The following GABRG3 variants were observed in gnomAD, a reference collection of about 807,000 sequenced individuals.
GABRG3 encodes gamma-aminobutyric acid receptor subunit gamma-3.
A neutral mutation model predicts 48.8 loss-of-function variants in GABRG3; 25 were observed. The observed-to-expected ratio is 0.51, with a 90% CI of 0.37 to 0.72. The LOEUF is 0.72. Ranked by LOEUF, GABRG3 falls within the 30% of genes least tolerant of loss-of-function variation. The probability of loss-of-function intolerance (pLI) is 0.00; values close to 1 mark genes in which losing one functional copy is unlikely to be tolerated. For missense variants in GABRG3, 394 were observed against 577.9 expected (o/e 0.68, Z 3.26); for synonymous variants, 227 against 217.6 (o/e 1.04, Z -0.38).
intron 3 of GABRG3, among the ~76,000 whole-genome samples, chr15:27,307,578 C>CAT (rs1555370059): frequency 5.4e-4 from 5 of 9,286 alleles, no homozygotes; most frequent in African/African-American, 1.2e-3. Flanking sequence ...TATATATAAA[C>CAT]AGGTTTATAG....
intron 2 of GABRG3, among the ~76,000 whole-genome samples, chr15:27,013,949 A>G (rs753624353): frequency 7.2e-5 from 11 of 152,132 alleles, no homozygotes; most frequent in Non-Finnish European, 1.5e-4. Context: ...TGCTTTGAAT[A>G]GGACTGACAT....
intron 3 of GABRG3, among the ~76,000 whole-genome samples, chr15:27,284,607 A>T (rs1244430166): frequency 6.6e-6 from 1 of 152,202 alleles, no homozygotes; most frequent in East Asian, 1.9e-4. Context: ...AGAGTTCAAG[A>T]CCAAGAGAAA....
chr15:27,511,942 A>G (rs1890905386), intron 6 of GABRG3, among the ~76,000 whole-genome samples: 1 of 152,198 alleles, frequency 6.6e-6, no homozygotes, highest in Non-Finnish European at 1.5e-5. Context: ...GCAACTAGAA[A>G]TGCAAGAGCA....
At chr15:27,237,031 C>T (rs930722095) in intron 3 of GABRG3, among the ~76,000 whole-genome samples, 1 of 152,180 alleles carries the variant, frequency 6.6e-6, no homozygotes. Flanking sequence ...ATCGACCTTG[C>T]GATTCTTCAG....
chr15:27,348,729 C>CT (rs1259835102), intron 5 of GABRG3, among the ~76,000 whole-genome samples: 1 of 152,128 alleles, frequency 6.6e-6, no homozygotes, highest in Non-Finnish European at 1.5e-5. Context: ...GGTATTACTC[C>CT]TATCATGGGA....
chr15:27,204,551 T>C (rs2140430776), intron 3 of GABRG3, among the ~76,000 whole-genome samples: 1 of 152,192 alleles, frequency 6.6e-6, no homozygotes, highest in African/African-American at 2.4e-5. Context: ...AATTTTAGAA[T>C]AGTTTTTTCT....
intron 2 of GABRG3, among the ~76,000 whole-genome samples, chr15:27,003,970 C>T (rs1254919685): frequency 3.4e-5 from 5 of 145,376 alleles, no homozygotes; most frequent in Non-Finnish European, 6.1e-5. Context: ...GGCGGCTGGC[C>T]GGGCGGGGGG....
chr15:27,041,002 T>C (rs1896267275), intron 3 of GABRG3, among the ~76,000 whole-genome samples: 1 of 151,850 alleles, frequency 6.6e-6, no homozygotes. Flanking sequence ...CCTCTTCCAA[T>C]ATCCAACATT....
At chr15:27,356,406 C>T (rs1174953310) in intron 5 of GABRG3, among the ~76,000 whole-genome samples, 1 of 152,180 alleles carries the variant, frequency 6.6e-6, no homozygotes, top group Admixed American at 6.5e-5. Flanking sequence ...ATTCCTTTGG[C>T]AGCTATTTTT....
intron 3 of GABRG3, among the ~76,000 whole-genome samples, chr15:27,027,514 T>C (rs1455457791): frequency 1.3e-5 from 2 of 152,260 alleles, no homozygotes; most frequent in Non-Finnish European, 2.9e-5. Flanking sequence ...GGAGGGGAAT[T>C]GCCAAAATGC....
At chr15:27,229,293 G>T (rs1889723168) in intron 3 of GABRG3, among the ~76,000 whole-genome samples, 1 of 152,160 alleles carries the variant, frequency 6.6e-6, no homozygotes, top group Non-Finnish European at 1.5e-5. Context: ...TGGCTAGCCA[G>T]TTATCTCAGT....
intron 3 of GABRG3, chr15:27,027,072 C>T (rs1474109354): frequency 2.9e-5 from 11 of 374,738 alleles, no homozygotes; most frequent in Non-Finnish European, 5.2e-5. Context: ...TATAGTGTTT[C>T]TTAGGAAAGG....
chr15:27,145,974 A>G (rs1047036447), intron 3 of GABRG3, among the ~76,000 whole-genome samples: 1 of 152,162 alleles, frequency 6.6e-6, no homozygotes, highest in Admixed American at 6.5e-5. Context: ...AGTGTTAGAA[A>G]AAAAAGACTG....
At chr15:27,093,541 C>T (rs1033650670) in intron 3 of GABRG3, among the ~76,000 whole-genome samples, 2 of 152,092 alleles carry the variant, frequency 1.3e-5, no homozygotes, top group African/African-American at 4.8e-5. Flanking sequence ...TGTGCATTCT[C>T]TTGACTTCTA....
At chr15:27,306,544 TATAAAC>T (rs1476645740) in intron 3 of GABRG3, among the ~76,000 whole-genome samples, 1 of 134,980 alleles carries the variant, frequency 7.4e-6, no homozygotes, top group African/African-American at 2.7e-5. Flanking sequence ...AAACATATAA[TATAAAC>T]ATATATAATA....
chr15:27,430,302 C>T (rs1050798237), intron 5 of GABRG3, among the ~76,000 whole-genome samples: 3 of 152,060 alleles, frequency 2.0e-5, no homozygotes, highest in African/African-American at 7.2e-5. Context: ...GATGCAACTC[C>T]CTTATCATAT....
At chr15:27,171,107 AT>A (rs1197858501) in intron 3 of GABRG3, among the ~76,000 whole-genome samples, 1 of 152,160 alleles carries the variant, frequency 6.6e-6, no homozygotes, top group Non-Finnish European at 1.5e-5. Flanking sequence ...TCTCACAGCC[AT>A]GATGCTCAGG....
At chr15:27,489,305 T>A (rs1890292999) in intron 6 of GABRG3, among the ~76,000 whole-genome samples, 1 of 152,220 alleles carries the variant, frequency 6.6e-6, no homozygotes, top group Non-Finnish European at 1.5e-5. Flanking sequence ...TGGTTCCAAG[T>A]CTTTGCTATT....
intron 2 of GABRG3, among the ~76,000 whole-genome samples, chr15:27,005,464 G>A (rs1376658537): frequency 2.6e-5 from 4 of 152,104 alleles, no homozygotes; most frequent in Admixed American, 1.3e-4. Flanking sequence ...AAAAGAAATT[G>A]TGAGACCTTG....
Sources: allele counts gnomAD v4.1 joint callset (sites outside exome capture counted in the v4.1 genomes callset), GRCh38; gene constraint gnomAD v4.1.1; transcripts MANE v1.5; gene names NCBI Gene and HGNC (gene_info 2026-07-23, HGNC 2026-07-21).